Variants in PEBP4 observed in about 807,000 individuals in gnomAD.
The protein encoded by PEBP4 is phosphatidylethanolamine binding protein 4, also known as phosphatidylethanolamine-binding protein 4.
A neutral mutation model predicts 23.9 loss-of-function variants in PEBP4; 22 were observed. The ratio of observed to expected loss-of-function variants is 0.92; its 90% CI spans 0.66 to 1.31. The LOEUF (loss-of-function observed/expected upper bound fraction) is 1.31. PEBP4 is among the 40% of genes most tolerant of loss of function. PEBP4 has a pLI of 0.00. For synonymous variants in PEBP4, 112 were observed against 99.3 expected, an observed-to-expected ratio of 1.13 and a Z score of -0.76; for missense variants, 324 against 281.7, an observed-to-expected ratio of 1.15 and a Z score of -1.07.
At chr8:22,867,659 A>G (rs1317998402) in intron 3 of PEBP4, among the ~76,000 whole-genome samples, 1 of 152,016 alleles carries the variant, frequency 6.6e-6, no homozygotes, top group East Asian at 1.9e-4. Context: ...ACCCCACCCC[A>G]AGAGTTGCAG....
In PEBP4 at chr8:22,728,559, T is replaced by TCTTTCTTTCTTCCTTC. The variant is rs1462225042; in HGVS notation, c.358-1340_358-1339insGAAGGAAGAAAGAAAG. ...TTCTTCCTTCCTTTCTTTCTTTCTT[T>TCTTTCTTTCTTCCTTC]CTTCCTTCCTTCCTTCCTTCCTTCC... On this transcript the variant is annotated intron_variant, in intron 4 of 6. Transcript: ENST00000256404. Among the ~76,000 whole-genome samples, 235 of 96,336 alleles carry TCTTTCTTTCTTCCTTC rather than the reference T, an allele frequency of 2.4e-3. 1 individual carries two copies. The highest frequency in any genetic ancestry group is 8.1e-3 in the African/African-American group (175 of 21,734). 63.2% of individuals were successfully genotyped at this position (96,336 alleles called of 152,430 possible). A position where few individuals can be genotyped will look rare whatever the true frequency, so the allele number is the denominator to read the frequency against.
intron 6 of PEBP4, among the ~76,000 whole-genome samples, chr8:22,717,836 T>C (rs1009117409): frequency 6.6e-6 from 1 of 152,136 alleles, no homozygotes; most frequent in Non-Finnish European, 1.5e-5. Context: ...TCCAGCCTAA[T>C]AACCGCCCCA....
Position 22,713,291 on chromosome 8 carries a change from T to C in PEBP4, c.*79A>G, listed in dbSNP as rs937315135. On this transcript the variant is annotated 3_prime_UTR_variant, in exon 7 of 7. Transcript: ENST00000256404. ...TTTTTATTTGGAAAAGAAGGGGTTC[T>C]GTATCCAGAGGGGGTTCCATACCCA... 6 of 1,481,572 alleles carry C rather than the reference T, an allele frequency of 4.0e-6. No homozygotes were observed. The African/African-American group carries it at 8.5e-5, about 21-fold the overall frequency. The allele number at this position is 1,481,572 out of a possible 1,614,324, so 91.8% of individuals were successfully genotyped here. A position where few individuals can be genotyped will look rare whatever the true frequency, so the allele number is the denominator to read the frequency against.
intron 4 of PEBP4, among the ~76,000 whole-genome samples, chr8:22,741,258 GC>G (rs1804986303): frequency 6.6e-6 from 1 of 152,146 alleles, no homozygotes; most frequent in Non-Finnish European, 1.5e-5. Flanking sequence ...CCTTGGTCAT[GC>G]CAAGGCCTGT....
chr8:22,892,992 G>C (rs958686898), intron 3 of PEBP4, among the ~76,000 whole-genome samples: 1 of 152,278 alleles, frequency 6.6e-6, no homozygotes, highest in Non-Finnish European at 1.5e-5. Context: ...GCAGCTGTGC[G>C]GGGAGAGAAC....
Position 22,857,755 on chromosome 8 carries a change from A to G in PEBP4, c.259-40020T>C, listed in dbSNP as rs1807686471. Among the ~76,000 whole-genome samples, 3 of 152,204 alleles carry G rather than the reference A, an allele frequency of 2.0e-5. No individual in the cohort carries two copies. The South Asian group carries it at 6.2e-4, about 32-fold the overall frequency. ...AGCATCGAATACTGAAGCATTCCTC[A>G]TAAGCTTTTCTCTCTATCTATCTGA... On this transcript the variant is annotated intron_variant, in intron 3 of 6. Coordinates refer to ENST00000256404, the MANE Select transcript of PEBP4 (RefSeq NM_144962.3).
chr8:22,714,151 G>T (rs1337825415), intron 6 of PEBP4, among the ~76,000 whole-genome samples: 1 of 152,258 alleles, frequency 6.6e-6, no homozygotes, highest in Admixed American at 6.5e-5. Flanking sequence ...AGCTGGGCCT[G>T]CAGAAACCCA....
chr8:22,717,162 G>A (rs1804433301), intron 6 of PEBP4, among the ~76,000 whole-genome samples: 1 of 152,154 alleles, frequency 6.6e-6, no homozygotes, highest in Non-Finnish European at 1.5e-5. Flanking sequence ...AGCCTCCTGA[G>A]TAGCTGGAAC....
At chr8:22,922,595 A>C (rs7460285) in intron 2 of PEBP4, among the ~76,000 whole-genome samples, 12 of 68,536 alleles carry the variant, frequency 1.8e-4, no homozygotes, top group African/African-American at 4.2e-4. Context: ...CAAAAAAAAA[A>C]CACCATGGTA....
chr8:22,744,587 C>T (rs984782336), intron 4 of PEBP4: 1 of 152,292 alleles, frequency 6.6e-6, no homozygotes, highest in African/African-American at 2.4e-5. Flanking sequence ...GTCCTCTCTT[C>T]TTGCAGACAT....
intron 4 of PEBP4, among the ~76,000 whole-genome samples, chr8:22,812,163 C>T (rs951988524): frequency 2.6e-5 from 4 of 152,098 alleles, no homozygotes; most frequent in Non-Finnish European, 5.9e-5. Context: ...GTTGCAGTCT[C>T]AGAGAGGTCA....
intron 3 of PEBP4, among the ~76,000 whole-genome samples, chr8:22,842,209 G>A (rs570471874): frequency 6.6e-6 from 1 of 152,370 alleles, no homozygotes; most frequent in African/African-American, 2.4e-5. Flanking sequence ...GAGACAGGTT[G>A]AAAATACAAA....
At chr8:22,763,502 CT>C (rs1805552557) in intron 4 of PEBP4, among the ~76,000 whole-genome samples, 1 of 152,172 alleles carries the variant, frequency 6.6e-6, no homozygotes, top group South Asian at 2.1e-4. Context: ...AGCTTCGAAT[CT>C]TGCACTGCCA....
chr8:22,782,257 C>G (rs1405632759), intron 4 of PEBP4, among the ~76,000 whole-genome samples: 1 of 152,194 alleles, frequency 6.6e-6, no homozygotes, highest in Non-Finnish European at 1.5e-5. Context: ...TACAAGGTGC[C>G]TTACCAGTGG....
At chr8:22,881,459 T>C (rs765730483) in intron 3 of PEBP4, among the ~76,000 whole-genome samples, 1 of 152,236 alleles carries the variant, frequency 6.6e-6, no homozygotes, top group African/African-American at 2.4e-5. Context: ...TGTCCTGCTC[T>C]GCCAGGCTGA....
intron 2 of PEBP4, chr8:22,925,023 G>C: frequency 1.0e-6 from 1 of 985,384 alleles, no homozygotes; most frequent in Non-Finnish European, 1.2e-6. Flanking sequence ...CTCTTGCCAA[G>C]GTCAGAGCCT....
intron 3 of PEBP4, among the ~76,000 whole-genome samples, chr8:22,905,677 T>C (rs1808796946): frequency 6.6e-6 from 1 of 152,218 alleles, no homozygotes; most frequent in African/African-American, 2.4e-5. Context: ...GGAGCCTGCC[T>C]GGACAGGTCA....
intron 4 of PEBP4, among the ~76,000 whole-genome samples, chr8:22,733,554 G>A (rs982276443): frequency 6.6e-6 from 1 of 152,098 alleles, no homozygotes; most frequent in African/African-American, 2.4e-5. Context: ...ATTACCTGTA[G>A]GCAGCGGCCC....
chr8:22,892,122 G>A (rs1431135775), intron 3 of PEBP4, among the ~76,000 whole-genome samples: 1 of 151,828 alleles, frequency 6.6e-6, no homozygotes, highest in Non-Finnish European at 1.5e-5. Flanking sequence ...GGGACTAAGA[G>A]TCACACTTCA....
Sources: allele counts gnomAD v4.1 joint callset (sites outside exome capture counted in the v4.1 genomes callset), GRCh38; gene constraint gnomAD v4.1.1; transcripts MANE v1.5; gene names NCBI Gene and HGNC (gene_info 2026-07-23, HGNC 2026-07-21).